ABL2: variants seen among roughly 807,000 people sequenced by gnomAD.
ABL2 encodes ABL proto-oncogene 2, non-receptor tyrosine kinase.
A neutral mutation model predicts 107.7 loss-of-function variants in ABL2; 49 were observed. The observed-to-expected ratio is 0.45, with a 90% CI of 0.36 to 0.58. The LOEUF (loss-of-function observed/expected upper bound fraction) is 0.58, where lower values mean the gene tolerates loss of function less well. Among genes scored for constraint, ABL2 ranks in the 20% least tolerant of loss-of-function variants. The pLI, the probability that ABL2 is intolerant of heterozygous loss-of-function variation, is 0.00. For synonymous variants in ABL2, 549 were observed against 548.6 expected, an observed-to-expected ratio of 1.00 and a Z score of -0.01; for missense variants, 1,245 against 1,457.0, an observed-to-expected ratio of 0.85 and a Z score of 2.37.
At chr1:179,136,887 C>T (rs1242234938) in intron 1 of ABL2, among the ~76,000 whole-genome samples, 2 of 142,868 alleles carry the variant, frequency 1.4e-5, no homozygotes, top group Non-Finnish European at 3.0e-5. Context: ...GTGCTCCAGC[C>T]TGGGTGACAA....
chr1:179,114,358 AAATCACGTCACTGAGCCG>A (rs1316644468), intron 9 of ABL2, among the ~76,000 whole-genome samples: 5 of 19,840 alleles, frequency 2.5e-4, no homozygotes, highest in South Asian at 1.8e-3. Flanking sequence ...CAGTGAGCCG[AAATCACGTCACTGAGCCG>A]AAATCACGTC....
At chr1:179,117,949 T>C (rs1654810826) in intron 7 of ABL2, among the ~76,000 whole-genome samples, 1 of 146,458 alleles carries the variant, frequency 6.8e-6, no homozygotes, top group Middle Eastern at 3.5e-3. Flanking sequence ...CGAAACCCAG[T>C]CTACAAAAAA....
chr1:179,144,106 T>C (rs752522132), intron 1 of ABL2, among the ~76,000 whole-genome samples: 6 of 152,180 alleles, frequency 3.9e-5, no homozygotes, highest in Non-Finnish European at 8.8e-5. Context: ...AGAATTAAAC[T>C]AGTAAAACCT....
intron 8 of ABL2, 37 bp downstream of exon 8, chr1:179,117,295 A>C (rs1209120982): frequency 1.3e-6 from 2 of 1,595,094 alleles, no homozygotes; most frequent in South Asian, 2.2e-5. Context: ...AAAAAAAAAA[A>C]TAAAATGACA....
intron 1 of ABL2, among the ~76,000 whole-genome samples, chr1:179,147,180 G>GAAAAAAAAAAAAAAAAAAAA (rs759304566): frequency 1.7e-4 from 1 of 5,814 alleles, no homozygotes; most frequent in South Asian, 6.1e-3. Context: ...TCAGAGAAAT[G>GAAAAAAAAAAAAAAAAAAAA]CAAAAAAAAA....
chr1:179,102,975 T>C lies in ABL2; in HGVS notation c.*4743A>G, dbSNP rs1653229477. ...AAACCTAACAAAACTATGCAGGACA[T>C]AGGTTAAAAAAGACACTGTCAACAT... On this transcript the variant is annotated 3_prime_UTR_variant, in exon 12 of 12. Coordinates refer to ENST00000502732, the MANE Select transcript of ABL2 (RefSeq NM_007314.4). The C allele has an allele frequency of 8.9e-6, 2 of 225,086 alleles. No individual in the cohort carries two copies. Among genetic ancestry groups the C allele is most frequent in the East Asian group, 1.3e-4 (2 of 15,522 alleles). 13.9% of individuals were successfully genotyped at this position (225,086 alleles called of 1,614,324 possible).
chr1:179,218,624 TC>T (rs1302780049), intron 1 of ABL2, among the ~76,000 whole-genome samples: 2 of 152,194 alleles, frequency 1.3e-5, no homozygotes, highest in Non-Finnish European at 2.9e-5. Context: ...GGTCTTGATC[TC>T]CTGACCTTGT....
chr1:179,193,135 G>T (rs1428668299), intron 1 of ABL2, among the ~76,000 whole-genome samples: 1 of 151,366 alleles, frequency 6.6e-6, no homozygotes, highest in African/African-American at 2.4e-5. Context: ...CCAAAAAAGG[G>T]CACAACTTGC....
chr1:179,136,709 A>AAAAATAAAT (rs773475981), intron 1 of ABL2, among the ~76,000 whole-genome samples: 2 of 140,690 alleles, frequency 1.4e-5, no homozygotes, highest in South Asian at 2.2e-4. Context: ...TGATCAATAA[A>AAAAATAAAT]AAATAAATAA....
At chr1:179,118,009 C>T (rs1030378585) in intron 7 of ABL2, among the ~76,000 whole-genome samples, 4 of 151,974 alleles carry the variant, frequency 2.6e-5, no homozygotes, top group African/African-American at 7.3e-5. Context: ...AACACTTAGC[C>T]GGGCATGGTG....
chr1:179,168,069 A>T (rs1659499518), intron 1 of ABL2, among the ~76,000 whole-genome samples: 1 of 152,248 alleles, frequency 6.6e-6, no homozygotes, highest in African/African-American at 2.4e-5. Flanking sequence ...GCTGTTAAAG[A>T]AGAGCTTGTT....
At position 179,102,073 on chromosome 1, in the gene ABL2, G is replaced by A. The variant is rs1369368634; in HGVS notation, c.*5645C>T. 8 of 140,006 alleles carry A rather than the reference G, an allele frequency of 5.7e-5. No homozygotes were observed. The East Asian group carries it at 1.0e-3, about 18-fold the overall frequency. 8.7% of individuals were successfully genotyped at this position (140,006 alleles called of 1,614,324 possible). On this transcript the variant is annotated 3_prime_UTR_variant, in exon 12 of 12. Transcript: ENST00000502732. ...GTCACCCAGGCTGGAGTGCAGTGGC[G>A]CGATCTGGGCTCACTGCAAGCTCCG...
chr1:179,113,107 T>C (rs1004906562), intron 9 of ABL2, among the ~76,000 whole-genome samples: 1 of 152,072 alleles, frequency 6.6e-6, no homozygotes, highest in Non-Finnish European at 1.5e-5. Context: ...GTAGATGGGA[T>C]TTTGCCACAT....
chr1:179,128,380 C>T (rs1213673893), intron 3 of ABL2, among the ~76,000 whole-genome samples: 3 of 151,594 alleles, frequency 2.0e-5, no homozygotes, highest in African/African-American at 4.8e-5. Flanking sequence ...CTGAAGAAAA[C>T]CTGTTGCTCT....
intron 1 of ABL2, chr1:179,143,051 G>A: frequency 1.2e-6 from 2 of 1,613,362 alleles, no homozygotes; most frequent in Non-Finnish European, 1.7e-6. Context: ...CCATACCTCT[G>A]CCCAGAAGCA....
chr1:179,135,463 C>A (rs1656801606), intron 1 of ABL2, among the ~76,000 whole-genome samples: 1 of 150,818 alleles, frequency 6.6e-6, no homozygotes, highest in African/African-American at 2.4e-5. Context: ...GGCAACCGCC[C>A]CGTCTGAGAA....
At chr1:179,159,302 C>A (rs540862483) in intron 1 of ABL2, among the ~76,000 whole-genome samples, 9 of 152,286 alleles carry the variant, frequency 5.9e-5, no homozygotes, top group African/African-American at 2.2e-4. Context: ...GGGTCTACAC[C>A]ACTGCTCCAC....
At chr1:179,130,897 T>C (rs139359872) in intron 3 of ABL2, among the ~76,000 whole-genome samples, 33 of 152,050 alleles carry the variant, frequency 2.2e-4, no homozygotes, top group East Asian at 3.9e-4. Flanking sequence ...TTTGAACATA[T>C]GAAAGCCACT....
intron 1 of ABL2, 54 bp downstream of exon 1, chr1:179,229,179 CCCGCCCCG>C: frequency 2.8e-6 from 1 of 359,004 alleles, no homozygotes; most frequent in African/African-American, 2.4e-5. Context: ...CGCCACCCAC[CCCGCCCCG>C]ACCCCACCCC....
Sources: allele counts gnomAD v4.1 joint callset (sites outside exome capture counted in the v4.1 genomes callset), GRCh38; gene constraint gnomAD v4.1.1; transcripts MANE v1.5; gene names NCBI Gene and HGNC (gene_info 2026-07-23, HGNC 2026-07-21).